GALNT1: variants seen among roughly 807,000 people sequenced by gnomAD.
The protein encoded by GALNT1 is polypeptide N-acetylgalactosaminyltransferase 1.
In GALNT1, 17 loss-of-function variants were observed where a neutral mutation model predicts 65.7. That is an observed-to-expected ratio of 0.26 (90% confidence interval 0.18 to 0.39). The LOEUF is 0.39. Among genes scored for constraint, GALNT1 ranks in the 10% least tolerant of loss-of-function variants. The probability of loss-of-function intolerance (pLI) is 1.00; values close to 1 mark genes in which losing one functional copy is unlikely to be tolerated. For synonymous variants in GALNT1, 210 were observed against 219.7 expected, an observed-to-expected ratio of 0.96 and a Z score of 0.39; for missense variants, 460 against 672.8, an observed-to-expected ratio of 0.68 and a Z score of 3.50.
At chr18:35,652,921 T>C (rs1161812859) in intron 1 of GALNT1, among the ~76,000 whole-genome samples, 1 of 152,242 alleles carries the variant, frequency 6.6e-6, no homozygotes, top group Non-Finnish European at 1.5e-5. Context: ...CATTTGAAAT[T>C]CAGATGTTGC....
rs1453374866 is a variant in GALNT1 at position 35,689,147 on chromosome 18, A to G, written c.861-26A>G. 2.1e-6 allele frequency: 3 copies of G among 1,396,352 alleles called. No individual in the cohort carries two copies. The Admixed American group carries it at 5.1e-5, about 24-fold the overall frequency. 86.5% of individuals were successfully genotyped at this position (1,396,352 alleles called of 1,614,324 possible). On this transcript the variant is annotated intron_variant, in intron 6 of 11. Transcript: ENST00000269195. ...GATTGATTGTAAATTTTAAATTGCT[A>G]ATGGTATAGCATTATTGAATTTCAG... is the stretch of plus-strand genomic sequence containing the variant.
Position 35,625,991 on chromosome 18 carries a change from CT to C in GALNT1, c.-103-28567del, listed in dbSNP as rs146787654. ...CTTTACTCCTGTCTCCCAATTAATT[CT>C]TCTGTTTGCTGTTCCCCAGACATTC... On this transcript the variant is annotated intron_variant, in intron 1 of 11. Coordinates refer to ENST00000269195, the MANE Select transcript of GALNT1 (RefSeq NM_020474.4). 1.8e-3 allele frequency among the ~76,000 whole-genome samples: 272 copies of C among 152,194 alleles called. 4 individuals are homozygous for C. In the East Asian group the frequency reaches 0.02, roughly 11 times the overall value.
intron 9 of GALNT1, among the ~76,000 whole-genome samples, chr18:35,701,588 T>G (rs534918764): frequency 6.6e-6 from 1 of 152,304 alleles, no homozygotes; most frequent in South Asian, 2.1e-4. Flanking sequence ...CTTGGAAACA[T>G]ATAATGTATT....
In GALNT1 at chr18:35,616,493, T is replaced by G. The variant is rs2046785168; in HGVS notation, c.-104+34631T>G. Among the ~76,000 whole-genome samples the G allele has an allele frequency of 4.6e-5, 7 of 152,292 alleles. No homozygotes were observed. In the South Asian group the frequency reaches 1.4e-3, roughly 32 times the overall value. ...ATATCTCTATTAAAAGAAATATAGC[T>G]GTTATTGCTTTGGACACTGGGTGTT... On this transcript the variant is annotated intron_variant, in intron 1 of 11. Transcript: ENST00000269195.
intron 1 of GALNT1, among the ~76,000 whole-genome samples, chr18:35,643,843 T>C (rs1406365071): frequency 6.6e-6 from 1 of 152,080 alleles, no homozygotes; most frequent in East Asian, 1.9e-4. Context: ...TCTGAATGAC[T>C]GGAAGGGCAT....
intron 1 of GALNT1, among the ~76,000 whole-genome samples, chr18:35,636,949 TG>T (rs2047099034): frequency 6.6e-6 from 1 of 152,178 alleles, no homozygotes. Context: ...TTATTATATC[TG>T]TTGTGGTGAT....
In GALNT1 at chr18:35,692,327, AAT is replaced by A. The variant is rs143443382; in HGVS notation, c.1299+22_1299+23del. ...CTATTTCTCATTGGGAGAGGTAAGA[AAT>A]ATATATATATATATTCTATGTGGTT... On this transcript the variant is annotated splice_region_variant and intron_variant, in intron 9 of 11. Coordinates refer to ENST00000269195, the MANE Select transcript of GALNT1 (RefSeq NM_020474.4). The A allele has an allele frequency of 0.031, 40,861 of 1,317,160 alleles. No individual in the cohort carries two copies. The highest frequency in any genetic ancestry group is 0.043 in the East Asian group (1,520 of 35,582). The allele number at this position is 1,317,160 out of a possible 1,614,324, so 81.6% of individuals were successfully genotyped here. A position where few individuals can be genotyped will look rare whatever the true frequency, so the allele number is the denominator to read the frequency against.
Position 35,683,521 on chromosome 18 carries a change from G to A in GALNT1, c.612G>A (p.Val204=). Residue 204 remains valine, a synonymous_variant, in exon 5 of 12, where the codon GTG becomes GTA. Transcript: ENST00000269195. The part of the protein sequence containing the change: ...LKGAAVSKGQ[V]ITFLDAHCEC... ...GAGCTGCTGTGTCTAAAGGCCAAGTGATCACCTTCCTGGATGCCCATTGTG... is the reference window on the plus strand; with the variant it reads ...GAGCTGCTGTGTCTAAAGGCCAAGTAATCACCTTCCTGGATGCCCATTGTG... 1 of 1,613,882 alleles carries A rather than the reference G, an allele frequency of 6.2e-7. No individual in the cohort carries two copies. The highest frequency in any genetic ancestry group is 1.1e-5 in the South Asian group (1 of 91,078).
At chr18:35,660,192 C>T (rs1346246112) in intron 2 of GALNT1, among the ~76,000 whole-genome samples, 1 of 151,716 alleles carries the variant, frequency 6.6e-6, no homozygotes, top group Non-Finnish European at 1.5e-5. Context: ...ATGATTTTAG[C>T]CTTTTATTAG....
chr18:35,636,923 A>G (rs1316389613), intron 1 of GALNT1, among the ~76,000 whole-genome samples: 1 of 150,226 alleles, frequency 6.7e-6, no homozygotes, highest in African/African-American at 2.5e-5. Context: ...TTCTTAGAGT[A>G]TTTCAGAGGT....
chr18:35,617,322 G>A (rs1036436395), intron 1 of GALNT1, among the ~76,000 whole-genome samples: 1 of 152,144 alleles, frequency 6.6e-6, no homozygotes, highest in Non-Finnish European at 1.5e-5. Flanking sequence ...TATATGCCTT[G>A]CTTTTGTTCA....
chr18:35,635,105 T>G (rs539243118), intron 1 of GALNT1, among the ~76,000 whole-genome samples: 1 of 152,264 alleles, frequency 6.6e-6, no homozygotes, highest in East Asian at 1.9e-4. Flanking sequence ...GGCTCAAGTT[T>G]ATTACAGCAA....
chr18:35,591,835 T>C (rs567564258), intron 1 of GALNT1: 3 of 154,368 alleles, frequency 1.9e-5, no homozygotes, highest in Non-Finnish European at 4.4e-5. Context: ...TACAGGTGCA[T>C]TTTTAGAAAT....
At chr18:35,606,824 TGTGTG>T (rs2046654825) in intron 1 of GALNT1, among the ~76,000 whole-genome samples, 1 of 16,826 alleles carries the variant, frequency 5.9e-5, no homozygotes, top group Non-Finnish European at 1.3e-4. Flanking sequence ...TGATGTTTTG[TGTGTG>T]TGTGTGTGTG....
Position 35,691,019 on chromosome 18 carries a change from A to T in GALNT1, c.986A>T (p.Gln329Leu). The T allele has an allele frequency of 6.3e-7, 1 of 1,596,476 alleles. No individual in the cohort carries two copies. The highest frequency in any genetic ancestry group is 8.5e-7 in the Non-Finnish European group (1 of 1,173,628). ...CATCTCTGCTGTTTTCAGATTTGGC[A>T]GTGTGGAGGAACTTTGGAAATTGTT... The part of the protein sequence containing the change: ...ENLEISFRIW[Q>L]CGGTLEIVTC... Residue 329 changes from glutamine to leucine, a missense_variant, in exon 8 of 12, where the codon CAG becomes CTG. Coordinates refer to ENST00000269195, the MANE Select transcript of GALNT1 (RefSeq NM_020474.4).
chr18:35,677,626 C>T lies in GALNT1; in HGVS notation c.350C>T (p.Thr117Ile). ...KTKVYPDNLP[T>I]TSVVIVFHNE... is the part of the protein sequence containing the mutation. ...AAGGTGTATCCAGATAATCTTCCTACAACAAGTGTGGTGATTGTTTTCCAC... is the reference window on the plus strand; with the variant it reads ...AAGGTGTATCCAGATAATCTTCCTATAACAAGTGTGGTGATTGTTTTCCAC... The change falls in exon 4 of 12, where the codon ACA (threonine) becomes ATA (isoleucine). Residue 117 changes from threonine (T) to isoleucine (I), a missense_variant. Thr to Ile is a moderately conservative substitution (Grantham distance 89, BLOSUM62 -1). Transcript: ENST00000269195. The T allele has an allele frequency of 6.2e-7, 1 of 1,612,722 alleles. No individual in the cohort carries two copies. Among genetic ancestry groups the T allele is most frequent in the Non-Finnish European group, 8.5e-7 (1 of 1,179,088 alleles).
chr18:35,654,188 T>G (rs1289250488), intron 1 of GALNT1, among the ~76,000 whole-genome samples: 1 of 152,196 alleles, frequency 6.6e-6, no homozygotes, highest in East Asian at 1.9e-4. Context: ...TTGATGGGTG[T>G]GAAATAGTAG....
intron 5 of GALNT1, among the ~76,000 whole-genome samples, chr18:35,683,819 G>A (rs1306428312): frequency 6.6e-6 from 1 of 152,224 alleles, no homozygotes; most frequent in Non-Finnish European, 1.5e-5. Context: ...GGAGTGATTA[G>A]GAAGCATGTC....
In GALNT1 at chr18:35,709,742, G is replaced by C; in HGVS notation, c.1652G>C (p.Arg551Pro). The change falls in exon 12 of 12, where the codon CGA (arginine) becomes CCA (proline). Residue 551 changes from arginine (R) to proline (P), a missense_variant. Arg to Pro is a moderately radical substitution (Grantham distance 103). Coordinates refer to ENST00000269195, the MANE Select transcript of GALNT1 (RefSeq NM_020474.4). The stretch of plus-strand genomic sequence containing the variant: ...AGTCGGTCCCAGCAGTGGCTTCTTC[G>C]AAACGTCACCCTGCCAGAAATATTC... Reference protein sequence around the residue: ...NGSRSQQWLLRNVTLPEIF With the variant: ...NGSRSQQWLLPNVTLPEIF 1 of 1,613,990 alleles carries C rather than the reference G, an allele frequency of 6.2e-7. No homozygotes were observed. The highest frequency in any genetic ancestry group is 8.5e-7 in the Non-Finnish European group (1 of 1,179,978).
Sources: allele counts gnomAD v4.1 joint callset (sites outside exome capture counted in the v4.1 genomes callset), GRCh38; gene constraint gnomAD v4.1.1; transcripts MANE v1.5; gene names NCBI Gene and HGNC (gene_info 2026-07-23, HGNC 2026-07-21).